SNX29: variants seen among roughly 807,000 people sequenced by gnomAD.
The protein encoded by SNX29 is sorting nexin-29.
Under a neutral mutation model 102.1 loss-of-function variants are expected in SNX29, and 78 were observed. That is an observed-to-expected ratio of 0.76 (90% CI 0.64 to 0.92). The LOEUF is 0.92. Ranked by LOEUF, SNX29 falls within the 40% of genes least tolerant of loss-of-function variation. The pLI, the probability that SNX29 is intolerant of heterozygous loss-of-function variation, is 0.00. For synonymous variants in SNX29, 580 were observed against 414.5 expected (o/e 1.40, Z -4.85); for missense variants, 1,280 against 1,061.7 (o/e 1.21, Z -2.86).
intron 8 of SNX29, among the ~76,000 whole-genome samples, chr16:12,058,223 CAT>C (rs142006030): frequency 0.035 from 5,404 of 152,226 alleles, 125 homozygotes; most frequent in Non-Finnish European, 0.056. Context: ...GAAAAAAAGA[CAT>C]GTGGGAAACT....
chr16:12,299,067 A>G (rs1253873721), intron 15 of SNX29, among the ~76,000 whole-genome samples: 1 of 151,974 alleles, frequency 6.6e-6, no homozygotes, highest in Non-Finnish European at 1.5e-5. Context: ...TGGGAGGTCA[A>G]GGTAGGTGAA....
chr16:12,267,860 G>C (rs773723332), intron 14 of SNX29, among the ~76,000 whole-genome samples: 4 of 152,160 alleles, frequency 2.6e-5, no homozygotes, highest in Non-Finnish European at 4.4e-5. Flanking sequence ...GGGGCTGCTT[G>C]TTTTGCTCAG....
At chr16:12,507,127 T>A (rs77414710) in intron 19 of SNX29, among the ~76,000 whole-genome samples, 3,502 of 152,336 alleles carry the variant, frequency 0.023, 55 homozygotes, top group South Asian at 0.081. Flanking sequence ...TTATCATCCC[T>A]CTTTCAGAGG....
intron 13 of SNX29, 65 bp from the exon 14 acceptor site, chr16:12,199,536 C>T (rs750803613): frequency 7.1e-7 from 1 of 1,411,374 alleles, no homozygotes; most frequent in Non-Finnish European, 9.8e-7. Flanking sequence ...CACCCCTGCC[C>T]CCTCCTGTGG....
chr16:12,513,838 A>AG (rs1350741074), intron 19 of SNX29, among the ~76,000 whole-genome samples: 1 of 152,230 alleles, frequency 6.6e-6, no homozygotes, highest in Non-Finnish European at 1.5e-5. Context: ...CACCGCTATG[A>AG]GGGCCACCAT....
intron 18 of SNX29, among the ~76,000 whole-genome samples, chr16:12,454,367 C>A (rs995264804): frequency 6.6e-6 from 1 of 152,118 alleles, no homozygotes; most frequent in African/African-American, 2.4e-5. Context: ...GAAAAGAAGC[C>A]CCAAGTGATT....
intron 13 of SNX29, among the ~76,000 whole-genome samples, chr16:12,172,891 C>T (rs931826591): frequency 2.6e-5 from 4 of 152,286 alleles, no homozygotes; most frequent in Non-Finnish European, 2.9e-5. Context: ...GTATGGTCTT[C>T]GTCGCAGCTG....
intron 20 of SNX29, among the ~76,000 whole-genome samples, chr16:12,533,382 G>C (rs764837711): frequency 6.6e-5 from 10 of 152,164 alleles, no homozygotes; most frequent in African/African-American, 2.4e-4. Flanking sequence ...TGAGGTCATG[G>C]AGTCTTTCGC....
chr16:12,034,094 T>C (rs2865106), intron 4 of SNX29, among the ~76,000 whole-genome samples: 1 of 152,168 alleles, frequency 6.6e-6, no homozygotes, highest in East Asian at 1.9e-4. Context: ...AACTGTAAAA[T>C]GAGAGAGACC....
At chr16:12,497,344 A>G (rs372131188) in intron 19 of SNX29, among the ~76,000 whole-genome samples, 10 of 152,252 alleles carry the variant, frequency 6.6e-5, no homozygotes, top group African/African-American at 2.2e-4. Context: ...CGAATAAGAT[A>G]CATTTCCTGC....
intron 14 of SNX29, among the ~76,000 whole-genome samples, chr16:12,216,161 T>A (rs530808965): frequency 1.3e-5 from 2 of 152,102 alleles, no homozygotes; most frequent in African/African-American, 4.8e-5. Context: ...TTATAGAAAA[T>A]TAAAGAAGAT....
chr16:12,432,957 AT>A (rs1402654760), intron 18 of SNX29, among the ~76,000 whole-genome samples: 2 of 152,212 alleles, frequency 1.3e-5, no homozygotes, highest in Non-Finnish European at 2.9e-5. Context: ...GGGTAGTGTG[AT>A]GCCGGGCCTG....
chr16:12,427,128 C>G (rs886329051), intron 18 of SNX29, among the ~76,000 whole-genome samples: 1 of 151,986 alleles, frequency 6.6e-6, no homozygotes, highest in Non-Finnish European at 1.5e-5. Context: ...ATGGAAAGAT[C>G]TAGGCCAGAT....
At chr16:12,465,337 G>A (rs1452407468) in intron 18 of SNX29, among the ~76,000 whole-genome samples, 1 of 152,166 alleles carries the variant, frequency 6.6e-6, no homozygotes, top group African/African-American at 2.4e-5. Flanking sequence ...TCTTCTAGGA[G>A]TTTTACAGAT....
At chr16:12,114,963 G>A (rs186102444) in intron 11 of SNX29, among the ~76,000 whole-genome samples, 1 of 152,272 alleles carries the variant, frequency 6.6e-6, no homozygotes, top group East Asian at 1.9e-4. Context: ...CCTGTGCCTG[G>A]CACTCGGCTG....
chr16:12,403,246 GT>G lies in SNX29; in HGVS notation c.1956-201del, dbSNP rs1567527958. 5.2e-3 allele frequency among the ~76,000 whole-genome samples: 743 copies of G among 143,084 alleles called. 8 individuals carry two copies. The highest frequency in any genetic ancestry group is 0.015 in the African/African-American group (558 of 37,440). 93.9% of individuals were successfully genotyped at this position (143,084 alleles called of 152,430 possible). A position where few individuals can be genotyped will look rare whatever the true frequency, so the allele number is the denominator to read the frequency against. Reference sequence around the variant, plus strand: ...TGTGTGTGTGTGTGTGTGTGTGTGTGTGTGTGTGTAGAGAGAGACAGACTGA... The same window carrying G: ...TGTGTGTGTGTGTGTGTGTGTGTGTGGTGTGTGTAGAGAGAGACAGACTGA... On this transcript the variant is annotated intron_variant, in intron 17 of 20. Transcript: ENST00000566228.
At chr16:12,529,753 G>C (rs1216886387) in intron 20 of SNX29, among the ~76,000 whole-genome samples, 1 of 152,070 alleles carries the variant, frequency 6.6e-6, no homozygotes, top group Non-Finnish European at 1.5e-5. Context: ...GAGCTGCCTT[G>C]TTCTCCCAGT....
Position 12,183,278 on chromosome 16 carries a change from G to A in SNX29, c.1596-16323G>A, listed in dbSNP as rs117465052. On this transcript the variant is annotated intron_variant, in intron 13 of 20. Transcript: ENST00000566228. ...AGCCTCCCAAAGTGCTGAGATTACA[G>A]GTATGAGCCATGGCACCTAGACAAA... is the stretch of plus-strand genomic sequence containing the variant. Among the ~76,000 whole-genome samples the A allele has an allele frequency of 9.9e-5, 15 of 152,266 alleles. No homozygotes were observed. In the East Asian group the frequency reaches 2.7e-3, roughly 27 times the overall value.
intron 20 of SNX29, among the ~76,000 whole-genome samples, chr16:12,530,395 C>G (rs1485762098): frequency 1.3e-5 from 2 of 152,148 alleles, no homozygotes; most frequent in Non-Finnish European, 2.9e-5. Context: ...CCCTAAAACA[C>G]TACAGAAAGA....
Sources: allele counts gnomAD v4.1 joint callset (sites outside exome capture counted in the v4.1 genomes callset), GRCh38; gene constraint gnomAD v4.1.1; transcripts MANE v1.5; gene names NCBI Gene and HGNC (gene_info 2026-07-23, HGNC 2026-07-21).